ATG10: variants seen among roughly 807,000 people sequenced by gnomAD.
ATG10 encodes autophagy related 10.
ATG10 carries 30 observed loss-of-function variants against 32.1 expected under a neutral mutation model. The ratio of observed to expected loss-of-function variants is 0.94; its 90% CI spans 0.70 to 1.27. ATG10 has a LOEUF of 1.27. ATG10 is among the 50% of genes most tolerant of loss of function. The pLI is 0.00. For missense variants in ATG10, 233 were observed against 262.3 expected (o/e 0.89, Z 0.77); for synonymous variants, 87 against 91.5 (o/e 0.95, Z 0.28).
chr5:82,084,702 T>C (rs1380463850), intron 3 of ATG10, among the ~76,000 whole-genome samples: 1 of 152,178 alleles, frequency 6.6e-6, no homozygotes, highest in East Asian at 1.9e-4. Flanking sequence ...AAAAGAATTT[T>C]CAACCCAGAA....
At chr5:82,118,354 C>CAT (rs1355332921) in intron 3 of ATG10, among the ~76,000 whole-genome samples, 6 of 102,188 alleles carry the variant, frequency 5.9e-5, no homozygotes, top group Admixed American at 2.0e-4. Context: ...ATAATATATA[C>CAT]ATATATATAC....
In ATG10 at chr5:82,178,531, C is replaced by T. The variant is rs1465748394; in HGVS notation, c.397C>T (p.His133Tyr). The T allele has an allele frequency of 1.9e-6, 3 of 1,612,224 alleles. No homozygotes were observed. The highest frequency in any genetic ancestry group is 2.7e-5 in the African/African-American group (2 of 74,818). Residue 133 changes from histidine (H) to tyrosine (Y), a missense_variant, in exon 5 of 8, where the codon CAT becomes TAT. Transcript: ENST00000282185. ...TCTGAAGGACATATGGGAAGGAGTT[C>T]ATGAGTGCTATAAGATGCGACTGCT... is the stretch of plus-strand genomic sequence containing the variant. ...LTLKDIWEGVHECYKMRLLQG... is the reference protein window; with the variant it reads ...LTLKDIWEGVYECYKMRLLQG...
intron 2 of ATG10, among the ~76,000 whole-genome samples, chr5:82,056,778 A>G (rs944006021): frequency 5.3e-5 from 8 of 152,210 alleles, no homozygotes; most frequent in Admixed American, 1.3e-4. Context: ...TTGAGGAGCA[A>G]TTGTTCCTTA....
At chr5:82,083,086 G>C (rs1382539385) in intron 3 of ATG10, among the ~76,000 whole-genome samples, 1 of 152,192 alleles carries the variant, frequency 6.6e-6, no homozygotes. Flanking sequence ...CCTAGCAAAG[G>C]GAAGCTGTGA....
chr5:81,975,469 T>C (rs1316951417), intron 1 of ATG10, among the ~76,000 whole-genome samples: 1 of 152,164 alleles, frequency 6.6e-6, no homozygotes, highest in Non-Finnish European at 1.5e-5. Flanking sequence ...TTGCCTGAGC[T>C]GAGGAGTTTG....
intron 3 of ATG10, among the ~76,000 whole-genome samples, chr5:82,124,588 G>A (rs942956078): frequency 1.3e-5 from 2 of 151,752 alleles, no homozygotes; most frequent in African/African-American, 4.8e-5. Context: ...TAAGAATGAT[G>A]GTTTCCAGCT....
chr5:82,085,237 G>A (rs1764636963), intron 3 of ATG10, among the ~76,000 whole-genome samples: 1 of 151,932 alleles, frequency 6.6e-6, no homozygotes, highest in African/African-American at 2.4e-5. Context: ...GACAAAGAAG[G>A]CCATTACTTA....
chr5:82,162,440 A>G (rs893443342), intron 3 of ATG10, among the ~76,000 whole-genome samples: 8 of 152,224 alleles, frequency 5.3e-5, no homozygotes, highest in African/African-American at 1.7e-4. Context: ...TGCTGGGAAT[A>G]TAAATTGATA....
intron 5 of ATG10, among the ~76,000 whole-genome samples, chr5:82,179,573 AGATCTGTCAAT>A: frequency 6.6e-6 from 1 of 152,172 alleles, no homozygotes; most frequent in Non-Finnish European, 1.5e-5. Flanking sequence ...TAAAGGAAAT[AGATCTGTCAAT>A]CATGTAAGTC....
At chr5:82,138,905 C>T (rs1198860524) in intron 3 of ATG10, among the ~76,000 whole-genome samples, 5 of 129,878 alleles carry the variant, frequency 3.8e-5, no homozygotes, top group African/African-American at 1.5e-4. Flanking sequence ...CATGCGGAGC[C>T]GAAGCTGGAC....
At chr5:82,054,230 G>A (rs1353773557) in intron 2 of ATG10, among the ~76,000 whole-genome samples, 3 of 152,302 alleles carry the variant, frequency 2.0e-5, no homozygotes, top group Middle Eastern at 3.4e-3. Context: ...AGCTTGGATT[G>A]AGAACCATTG....
chr5:82,129,067 C>G (rs1053970394), intron 3 of ATG10, among the ~76,000 whole-genome samples: 7 of 151,520 alleles, frequency 4.6e-5, no homozygotes, highest in African/African-American at 1.7e-4. Flanking sequence ...TTTCTCTAAT[C>G]TTGTCTTCAT....
In ATG10 at chr5:82,058,550, T is replaced by C. The variant is rs770135272; in HGVS notation, c.164T>C (p.Val55Ala). The stretch of plus-strand genomic sequence containing the variant: ...CACTTTCAAATTAAGAATGGGTCTG[T>C]GATGTCACATCTAGGAGCATCTACC... ...KIHFQIKNGS[V>A]MSHLGASTHG... The change falls in exon 3 of 8, where the codon GTG (valine) becomes GCG (alanine). Residue 55 changes from valine (V) to alanine (A), a missense_variant. Physicochemically the swap from Val to Ala is moderately conservative, Grantham distance 64 (BLOSUM62 0). Coordinates refer to ENST00000282185, the MANE Select transcript of ATG10 (RefSeq NM_031482.5). 1.2e-6 allele frequency: 2 copies of C among 1,613,292 alleles called. No homozygotes were observed. Among genetic ancestry groups the C allele is most frequent in the South Asian group, 1.1e-5 (1 of 91,032 alleles).
At chr5:82,067,903 A>T (rs1763989957) in intron 3 of ATG10, among the ~76,000 whole-genome samples, 1 of 152,188 alleles carries the variant, frequency 6.6e-6, no homozygotes, top group African/African-American at 2.4e-5. Context: ...TTTAAAAATC[A>T]AAAGTAAGAT....
At position 81,987,557 on chromosome 5, in the gene ATG10, A is replaced by C. The variant is rs375184500; in HGVS notation, c.-12-2A>C. 14 of 1,537,318 alleles carry C rather than the reference A, an allele frequency of 9.1e-6. No individual in the cohort carries two copies. Among genetic ancestry groups the C allele is most frequent in the Non-Finnish European group, 1.3e-5 (14 of 1,117,656 alleles). ...TGCTAATACTTAGTTTTTGTATTGC[A>C]GTTATCATTTAACATGGAAGAAGAT... On this transcript the variant is annotated splice_acceptor_variant, in intron 1 of 7. Coordinates refer to ENST00000282185, the MANE Select transcript of ATG10 (RefSeq NM_031482.5). LOFTEE classifies it low-confidence loss of function (5UTR_SPLICE).
At chr5:82,193,712 C>T (rs895016154) in intron 5 of ATG10, among the ~76,000 whole-genome samples, 14 of 152,174 alleles carry the variant, frequency 9.2e-5, no homozygotes, top group South Asian at 2.1e-4. Context: ...AAAATAATCA[C>T]TTTTGATTCG....
chr5:82,150,046 A>ATGAT (rs1767527872), intron 3 of ATG10, among the ~76,000 whole-genome samples: 1 of 152,054 alleles, frequency 6.6e-6, no homozygotes, highest in South Asian at 2.1e-4. Flanking sequence ...AGGAACTGAA[A>ATGAT]TAATTATGTT....
intron 4 of ATG10, among the ~76,000 whole-genome samples, chr5:82,173,732 A>G (rs115981561): frequency 0.033 from 4,957 of 152,250 alleles, 110 homozygotes; most frequent in Middle Eastern, 0.051. Context: ...AGTATCTTGG[A>G]TCTGAAACGA....
At chr5:82,183,687 C>T (rs1744339528) in intron 5 of ATG10, among the ~76,000 whole-genome samples, 1 of 152,124 alleles carries the variant, frequency 6.6e-6, no homozygotes. Context: ...TGGACTACTT[C>T]TATAATGACA....
Sources: gnomAD v4.1 joint callset for allele counts (sites outside exome capture counted in the v4.1 genomes callset) on GRCh38, gnomAD v4.1.1 for gene constraint, MANE v1.5 for transcripts, NCBI Gene and HGNC (gene_info 2026-07-23, HGNC 2026-07-21) for gene names.